The following SLIT2 variants were observed in gnomAD, a reference collection of about 807,000 sequenced individuals.
The protein encoded by SLIT2 is slit homolog 2 protein.
In SLIT2, 41 loss-of-function variants were observed where a neutral mutation model predicts 185.7. The observed-to-expected ratio is 0.22, with a 90% CI of 0.17 to 0.29. The LOEUF is 0.29. Among genes scored for constraint, SLIT2 ranks in the 10% least tolerant of loss-of-function variants. The probability of loss-of-function intolerance (pLI) is 1.00; values close to 1 mark genes in which losing one functional copy is unlikely to be tolerated. For synonymous variants in SLIT2, 693 were observed against 680.2 expected (o/e 1.02, Z -0.29); for missense variants, 1,571 against 1,909.0 (o/e 0.82, Z 3.30).
intron 34 of SLIT2, among the ~76,000 whole-genome samples, chr4:20,612,351 T>C (rs982946004): frequency 2.9e-5 from 4 of 138,850 alleles, no homozygotes; most frequent in African/African-American, 1.1e-4. Context: ...AATTTCAAAA[T>C]GAAAAGTATT....
chr4:20,486,283 C>T lies in SLIT2; in HGVS notation c.611+12C>T. The T allele has an allele frequency of 6.9e-7, 1 of 1,449,256 alleles. No individual in the cohort carries two copies. Among genetic ancestry groups the T allele is most frequent in the Non-Finnish European group, 9.7e-7 (1 of 1,030,918 alleles). 89.8% of individuals were successfully genotyped at this position (1,449,256 alleles called of 1,614,324 possible). On this transcript the variant is annotated intron_variant, in intron 7 of 36. Coordinates refer to ENST00000504154, the MANE Select transcript of SLIT2 (RefSeq NM_004787.4). ...AAACTTAGGACTTTGTAAGTAGTCA[C>T]AATATATGTAAAAGTCATATTAATC...
intron 34 of SLIT2, chr4:20,616,646 G>T: frequency 2.8e-6 from 1 of 361,514 alleles, no homozygotes; most frequent in Non-Finnish European, 5.0e-6. Flanking sequence ...AGTTTTCTTT[G>T]AAGCAAATTT....
At chr4:20,471,799 TCCAGGCAAGCCA>T (rs1715054681) in intron 5 of SLIT2, among the ~76,000 whole-genome samples, 1 of 152,146 alleles carries the variant, frequency 6.6e-6, no homozygotes, top group Admixed American at 6.5e-5. Context: ...TTCCCCTTCC[TCCAGGCAAGCCA>T]CACTAAAACT....
chr4:20,388,843 A>T (rs1262770238), intron 4 of SLIT2, among the ~76,000 whole-genome samples: 1 of 145,994 alleles, frequency 6.8e-6, no homozygotes, highest in Admixed American at 6.9e-5. Flanking sequence ...TAATATATAT[A>T]AAATATGTAT....
intron 4 of SLIT2, among the ~76,000 whole-genome samples, chr4:20,338,364 T>C (rs1720680586): frequency 6.6e-6 from 1 of 152,178 alleles, no homozygotes; most frequent in Non-Finnish European, 1.5e-5. Context: ...TTTCATAATA[T>C]TAGATTGAAT....
At chr4:20,431,377 G>C (rs564278613) in intron 4 of SLIT2, among the ~76,000 whole-genome samples, 3 of 152,142 alleles carry the variant, frequency 2.0e-5, no homozygotes, top group African/African-American at 7.2e-5. Context: ...GTAAATATTT[G>C]TGTTTTATTT....
At chr4:20,472,294 A>ATATATCTATATATC (rs377119024) in intron 5 of SLIT2, among the ~76,000 whole-genome samples, 6 of 37,244 alleles carry the variant, frequency 1.6e-4, no homozygotes, top group Non-Finnish European at 2.5e-4. Flanking sequence ...ATAGATATAT[A>ATATATCTATATATC]GATATATAGA....
chr4:20,465,710 C>T (rs893092284), intron 4 of SLIT2, among the ~76,000 whole-genome samples: 1 of 152,172 alleles, frequency 6.6e-6, no homozygotes, highest in African/African-American at 2.4e-5. Flanking sequence ...TTAAAAGGAA[C>T]GGCATTCTGA....
Position 20,396,612 on chromosome 4 carries a change from A to G in SLIT2, c.396-71140A>G, listed in dbSNP as rs372850925. On this transcript the variant is annotated intron_variant, in intron 4 of 36. Transcript: ENST00000504154. ...ATCTTTTTTCTTATACCCCAGGGAGAGGCAGGGCTAGAGAAAGAGCAATTC... is the reference window on the plus strand; with the variant it reads ...ATCTTTTTTCTTATACCCCAGGGAGGGGCAGGGCTAGAGAAAGAGCAATTC... Among the ~76,000 whole-genome samples the G allele has an allele frequency of 7.2e-5, 11 of 151,744 alleles. No individual in the cohort carries two copies. In the South Asian group the frequency reaches 1.5e-3, roughly 20 times the overall value.
At chr4:20,505,961 C>G (rs994268824) in intron 9 of SLIT2, among the ~76,000 whole-genome samples, 2 of 151,978 alleles carry the variant, frequency 1.3e-5, no homozygotes, top group Non-Finnish European at 2.9e-5. Context: ...GATAAACATA[C>G]TTTTGAGTTA....
chr4:20,618,614 C>G (rs1729858669), intron 36 of SLIT2, among the ~76,000 whole-genome samples, 154 bp from the exon 37 acceptor site: 4 of 152,082 alleles, frequency 2.6e-5, no homozygotes, highest in Non-Finnish European at 2.9e-5. Context: ...AAGTATTTTT[C>G]AAAGAATAGG....
chr4:20,510,456 C>T (rs762491058), intron 9 of SLIT2, 39 bp from the exon 10 acceptor site: 1 of 1,320,464 alleles, frequency 7.6e-7, no homozygotes, highest in South Asian at 1.2e-5. Context: ...TCCGAAGGTT[C>T]ACATTTCCAT....
At chr4:20,500,261 G>A (rs1005864580) in intron 9 of SLIT2, among the ~76,000 whole-genome samples, 28 of 152,030 alleles carry the variant, frequency 1.8e-4, no homozygotes, top group African/African-American at 6.5e-4. Context: ...TCAACTTAAG[G>A]ATAATAAAAT....
chr4:20,425,635 C>G (rs1728501900), intron 4 of SLIT2, among the ~76,000 whole-genome samples: 1 of 152,142 alleles, frequency 6.6e-6, no homozygotes. Flanking sequence ...ATCTTCCTGT[C>G]CATAAATCCG....
intron 29 of SLIT2, among the ~76,000 whole-genome samples, chr4:20,569,908 T>C (rs1191854941): frequency 1.3e-5 from 2 of 152,124 alleles, no homozygotes; most frequent in Non-Finnish European, 2.9e-5. Context: ...TGCAGGTGAC[T>C]GGAGTTAACA....
rs1327279820 is a variant in SLIT2 at position 20,252,583 on chromosome 4, G to A, written c.-1233G>A. On this transcript the variant is annotated 5_prime_UTR_variant, in exon 1 of 37. Coordinates refer to ENST00000504154, the MANE Select transcript of SLIT2 (RefSeq NM_004787.4). ...GACGAACCACTAGTGGGAGACCGCC[G>A]GGGGCCGGCCGTGGCTCTGCGCCCT... 6.6e-6 allele frequency among the ~76,000 whole-genome samples: 1 copy of A among 152,214 alleles called. No homozygotes were observed. The highest frequency in any genetic ancestry group is 2.4e-5 in the African/African-American group (1 of 41,478).
intron 4 of SLIT2, among the ~76,000 whole-genome samples, chr4:20,421,562 A>G (rs1360490267): frequency 6.6e-6 from 1 of 152,198 alleles, no homozygotes; most frequent in Non-Finnish European, 1.5e-5. Context: ...TTACAAAGCC[A>G]TTTAAAATGC....
intron 4 of SLIT2, among the ~76,000 whole-genome samples, chr4:20,398,968 G>A (rs1487225954): frequency 6.6e-6 from 1 of 151,616 alleles, no homozygotes; most frequent in Non-Finnish European, 1.5e-5. Flanking sequence ...ATATAAGACA[G>A]TCATTGAATT....
In SLIT2 at chr4:20,559,653, C is replaced by T. The variant is rs184318720; in HGVS notation, c.2725+5685C>T. Among the ~76,000 whole-genome samples the T allele has an allele frequency of 1.6e-4, 24 of 151,782 alleles. No homozygotes were observed. In the East Asian group the frequency reaches 2.5e-3, roughly 16 times the overall value. ...AGATTTTTATCTCTTTTAATCTTTC[C>T]GCCATTCTTATAGTGAAAACTATCA... is the stretch of plus-strand genomic sequence containing the variant. On this transcript the variant is annotated intron_variant, in intron 26 of 36. Coordinates refer to ENST00000504154, the MANE Select transcript of SLIT2 (RefSeq NM_004787.4).
Sources: gnomAD v4.1 joint callset for allele counts (sites outside exome capture counted in the v4.1 genomes callset) on GRCh38, gnomAD v4.1.1 for gene constraint, MANE v1.5 for transcripts, NCBI Gene and HGNC (gene_info 2026-07-23, HGNC 2026-07-21) for gene names.